CHRNB2: variants seen among roughly 807,000 people sequenced by gnomAD.
The protein encoded by CHRNB2 is neuronal acetylcholine receptor subunit beta-2.
In CHRNB2, 33 loss-of-function variants were observed where a neutral mutation model predicts 42.7. That is an observed-to-expected ratio of 0.77 (90% CI 0.59 to 1.03). The LOEUF is 1.03. Among genes scored for constraint, CHRNB2 ranks in the 50% least tolerant of loss-of-function variants. The pLI is 0.00. For synonymous variants in CHRNB2, 325 were observed against 292.9 expected (o/e 1.11, Z -1.12); for missense variants, 603 against 700.9 (o/e 0.86, Z 1.58).
At position 154,575,962 on chromosome 1, in the gene CHRNB2, C is replaced by T. The variant is rs1484467668; in HGVS notation, c.*30C>T. On this transcript the variant is annotated 3_prime_UTR_variant, in exon 6 of 6. Transcript: ENST00000368476. ...CTTCCTCATCTCCATGCTCTTTCACCCTGCCACCCTCTGCTGCACAGTAGT... is the reference window on the plus strand; with the variant it reads ...CTTCCTCATCTCCATGCTCTTTCACTCTGCCACCCTCTGCTGCACAGTAGT... 4 of 1,613,338 alleles carry T rather than the reference C, an allele frequency of 2.5e-6. No individual in the cohort carries two copies. The highest frequency in any genetic ancestry group is 8.5e-7 in the Non-Finnish European group (1 of 1,179,688).
At position 154,579,526 on chromosome 1, in the gene CHRNB2, T is replaced by C. The variant is rs1327819086; in HGVS notation, c.*3594T>C. ...CAAGCCAGAGTAGACCTGGTTCCAG[T>C]TGTCCCCCCCTTGTTTCCGGGCAGA... On this transcript the variant is annotated 3_prime_UTR_variant, in exon 6 of 6. Coordinates refer to ENST00000368476, the MANE Select transcript of CHRNB2 (RefSeq NM_000748.3). 2 of 152,346 alleles carry C rather than the reference T, an allele frequency of 1.3e-5. No homozygotes were observed. Among genetic ancestry groups the C allele is most frequent in the African/African-American group, 2.4e-5 (1 of 41,440 alleles). 9.4% of individuals were successfully genotyped at this position (152,346 alleles called of 1,614,324 possible).
chr1:154,567,864 A>T lies in CHRNB2; in HGVS notation c.-181A>T. On this transcript the variant is annotated 5_prime_UTR_variant, in exon 1 of 6. In the 5' UTR this introduces an upstream ATG that the reference lacks. Coordinates refer to ENST00000368476, the MANE Select transcript of CHRNB2 (RefSeq NM_000748.3). ...CCTGCTCATACCAGGATAGGCAAGA[A>T]GCTGGTTTCTCCTCGCAGCCGGCTC... The T allele has an allele frequency of 2.1e-6, 1 of 487,702 alleles. No individual in the cohort carries two copies. The highest frequency in any genetic ancestry group is 3.7e-5 in the East Asian group (1 of 27,340). 30.2% of individuals were successfully genotyped at this position (487,702 alleles called of 1,614,324 possible).
chr1:154,570,484 T>G, intron 4 of CHRNB2, 117 bp downstream of exon 4: 1 of 712,222 alleles, frequency 1.4e-6, no homozygotes, highest in Non-Finnish European at 2.5e-6. Context: ...ATAATAGATA[T>G]GTAGTCACTA....
chr1:154,568,817 G>A (rs1040113354), intron 1 of CHRNB2, among the ~76,000 whole-genome samples: 3 of 151,952 alleles, frequency 2.0e-5, no homozygotes, highest in African/African-American at 7.2e-5. Context: ...GGGCTGCTGT[G>A]TGTGTGAAAC....
Position 154,571,651 on chromosome 1 carries a change from C to T in CHRNB2, c.828C>T (p.Leu276=), listed in dbSNP as rs757491915. 2 of 1,614,122 alleles carry T rather than the reference C, an allele frequency of 1.2e-6. No individual in the cohort carries two copies. Among genetic ancestry groups the T allele is most frequent in the Admixed American group, 1.7e-5 (1 of 60,008 alleles). ...MTLCISVLLA[L]TVFLLLISKI... ...TGTGCATCTCAGTGCTGCTGGCGCT[C>T]ACGGTCTTCCTGCTGCTCATCTCCA... The change falls in exon 5 of 6, where the codon CTC becomes CTT. Residue 276 remains leucine (L), a synonymous_variant. Coordinates refer to ENST00000368476, the MANE Select transcript of CHRNB2 (RefSeq NM_000748.3). This position sits in a 1 kb window ranked among gnomAD's most constrained non-coding sequence, Gnocchi z 6.8.
chr1:154,570,574 C>T (rs1473514847), intron 4 of CHRNB2, among the ~76,000 whole-genome samples: 1 of 152,082 alleles, frequency 6.6e-6, no homozygotes, highest in Non-Finnish European at 1.5e-5. Context: ...CCACTCCCAG[C>T]CGGTTAGGAC....
In CHRNB2 at chr1:154,576,001, T is replaced by A; in HGVS notation, c.*69T>A. On this transcript the variant is annotated 3_prime_UTR_variant, in exon 6 of 6. Coordinates refer to ENST00000368476, the MANE Select transcript of CHRNB2 (RefSeq NM_000748.3). ...CTGCACAGTAGTGTTGGGTGGAGGA[T>A]GGACGAGTGAGCTACCAGGAAGAGG... is the stretch of plus-strand genomic sequence containing the variant. 6.3e-7 allele frequency: 1 copy of A among 1,592,554 alleles called. No individual in the cohort carries two copies. The highest frequency in any genetic ancestry group is 8.6e-7 in the Non-Finnish European group (1 of 1,163,702).
intron 5 of CHRNB2, among the ~76,000 whole-genome samples, chr1:154,575,368 T>A (rs1696252210): frequency 6.6e-6 from 1 of 152,154 alleles, no homozygotes; most frequent in East Asian, 1.9e-4. Flanking sequence ...GAGAAGGTGA[T>A]GTTTGATTTG....
intron 5 of CHRNB2, 57 bp from the exon 6 acceptor site, chr1:154,575,705 C>T (rs561505627): frequency 2.5e-5 from 40 of 1,580,068 alleles, no homozygotes; most frequent in African/African-American, 8.1e-5. Flanking sequence ...CGCTTATACT[C>T]GTTTGTCTCC....
intron 1 of CHRNB2, among the ~76,000 whole-genome samples, chr1:154,568,559 A>C (rs1202145782): frequency 6.6e-6 from 1 of 151,844 alleles, no homozygotes; most frequent in Non-Finnish European, 1.5e-5. Context: ...GATTCTCGTC[A>C]CCCCTCAGGG....
Position 154,570,943 on chromosome 1 carries a change from C to T in CHRNB2, c.366-246C>T, listed in dbSNP as rs570767188. On this transcript the variant is annotated intron_variant, in intron 4 of 5. Transcript: ENST00000368476. ...TTCCTCCACCCACCACCCCCTTCTA[C>T]CTGCAAGGTGTCACACAGGCCTTCT... 2.7e-3 allele frequency among the ~76,000 whole-genome samples: 408 copies of T among 151,912 alleles called. 6 individuals are homozygous for T. Among genetic ancestry groups the T allele is most frequent in the Non-Finnish European group, 3.6e-3 (244 of 67,970 alleles).
In CHRNB2 at chr1:154,572,113, C is replaced by T. The variant is rs1696183739; in HGVS notation, c.1290C>T (p.Gly430=). The change falls in exon 5 of 6, where the codon GGC becomes GGT. Residue 430 remains glycine (G), a synonymous_variant. Transcript: ENST00000368476. ...GTGGCCTCCGGGAGGCGGTGGACGGCGTGCGCTTCATCGCAGACCACATGC... is the reference window on the plus strand; with the variant it reads ...GTGGCCTCCGGGAGGCGGTGGACGGTGTGCGCTTCATCGCAGACCACATGC... ...CGCGLREAVD[G]VRFIADHMRS... is the part of the protein sequence containing the mutation. 17 of 1,537,272 alleles carry T rather than the reference C, an allele frequency of 1.1e-5. No homozygotes were observed. Among genetic ancestry groups the T allele is most frequent in the Non-Finnish European group, 1.5e-5 (17 of 1,146,670 alleles).
At chr1:154,570,213 C>T in intron 3 of CHRNB2, 45 bp from the exon 4 acceptor site, 1 of 1,338,746 alleles carries the variant, frequency 7.5e-7, no homozygotes, top group Non-Finnish European at 1.1e-6. Flanking sequence ...CCTTGAGCCC[C>T]ACCCAGGGCA....
chr1:154,568,241 A>G lies in CHRNB2; in HGVS notation c.64+133A>G, dbSNP rs12062226. On this transcript the variant is annotated intron_variant, in intron 1 of 5. Coordinates refer to ENST00000368476, the MANE Select transcript of CHRNB2 (RefSeq NM_000748.3). ...CCCTAGAGGTGGGGGAGTCTGCTGG[A>G]GGTTAGGGGAGAGCCCCCCGGGACT... 0.023 allele frequency: 25,675 copies of G among 1,101,322 alleles called. 4,299 individuals carry two copies. In the African/African-American group the frequency reaches 0.36, roughly 15 times the overall value. 68.2% of individuals were successfully genotyped at this position (1,101,322 alleles called of 1,614,324 possible).
In CHRNB2 at chr1:154,571,291, G is replaced by C; in HGVS notation, c.468G>C (p.Lys156Asn). The C allele has an allele frequency of 6.2e-7, 1 of 1,614,218 alleles. No individual in the cohort carries two copies. The highest frequency in any genetic ancestry group is 8.5e-7 in the Non-Finnish European group (1 of 1,180,038). ...CTGCCATCTACAAGAGCGCATGCAAGATTGAAGTAAAGCACTTCCCATTTG... is the reference window on the plus strand; with the variant it reads ...CTGCCATCTACAAGAGCGCATGCAACATTGAAGTAAAGCACTTCCCATTTG... Reference protein sequence around the residue: ...LPPAIYKSACKIEVKHFPFDQ... With the variant: ...LPPAIYKSACNIEVKHFPFDQ... The change falls in exon 5 of 6, where the codon AAG becomes AAC. Residue 156 changes from lysine to asparagine, a missense_variant. Around this residue, in one of 2 missense-constraint regions of CHRNB2, gnomAD observed 333 missense variants for 452.6 expected, o/e 0.74. Coordinates refer to ENST00000368476, the MANE Select transcript of CHRNB2 (RefSeq NM_000748.3). The surrounding 1 kb of genome is among the most constrained non-coding windows in gnomAD (Gnocchi z 6.8).
At chr1:154,568,589 G>A (rs941090312) in intron 1 of CHRNB2, among the ~76,000 whole-genome samples, 5 of 152,138 alleles carry the variant, frequency 3.3e-5, no homozygotes, top group Non-Finnish European at 7.3e-5. Flanking sequence ...GGGAGAAAAC[G>A]GAACGGACTT....
chr1:154,569,752 G>A, intron 2 of CHRNB2, 40 bp from the exon 3 acceptor site: 1 of 1,613,968 alleles, frequency 6.2e-7, no homozygotes, highest in Non-Finnish European at 8.5e-7. Context: ...GACCCCACAG[G>A]CTTAGGGGCC....
chr1:154,574,585 A>G (rs1240315730), intron 5 of CHRNB2, among the ~76,000 whole-genome samples: 1 of 152,192 alleles, frequency 6.6e-6, no homozygotes, highest in Non-Finnish European at 1.5e-5. Context: ...CTCACTCATC[A>G]GACCTCAGCT....
intron 5 of CHRNB2, among the ~76,000 whole-genome samples, chr1:154,574,079 T>G (rs1696226072): frequency 6.6e-6 from 1 of 152,162 alleles, no homozygotes; most frequent in Admixed American, 6.5e-5. Flanking sequence ...CAAGCCAAGC[T>G]CTTTCGTGGC....
Sources: gnomAD v4.1 joint callset for allele counts (sites outside exome capture counted in the v4.1 genomes callset) on GRCh38, gnomAD v4.1.1 for gene constraint, gnomAD v4.1.1 regional missense constraint, Gnocchi (gnomAD v3.1) non-coding constraint, MANE v1.5 for transcripts, NCBI Gene and HGNC (gene_info 2026-07-23, HGNC 2026-07-21) for gene names.